Variants in MCTP1 observed in about 807,000 individuals in gnomAD.
The protein encoded by MCTP1 is multiple C2 and transmembrane domain-containing protein 1.
A neutral mutation model predicts 120.6 loss-of-function variants in MCTP1; 69 were observed. The ratio of observed to expected loss-of-function variants is 0.57; its 90% confidence interval spans 0.47 to 0.70. MCTP1 has a LOEUF of 0.70. Among genes scored for constraint, MCTP1 ranks in the 30% least tolerant of loss-of-function variants. The probability of loss-of-function intolerance (pLI) is 0.00; values close to 1 mark genes in which losing one functional copy is unlikely to be tolerated. For synonymous variants in MCTP1, 529 were observed against 493.1 expected (o/e 1.07, Z -0.96); for missense variants, 1,203 against 1,248.8 (o/e 0.96, Z 0.55).
At chr5:95,221,285 T>A (rs1753664592) in intron 1 of MCTP1, among the ~76,000 whole-genome samples, 1 of 152,246 alleles carries the variant, frequency 6.6e-6, no homozygotes, top group Non-Finnish European at 1.5e-5. Context: ...GTCTGTAACT[T>A]CGAAAGAACA....
intron 2 of MCTP1, among the ~76,000 whole-genome samples, chr5:94,959,866 TG>T (rs1170715709): frequency 6.6e-6 from 1 of 152,240 alleles, no homozygotes; most frequent in Non-Finnish European, 1.5e-5. Context: ...ATAGATTCAA[TG>T]CTATTCCCAC....
chr5:95,131,904 T>C (rs1759075209), intron 1 of MCTP1, among the ~76,000 whole-genome samples: 1 of 152,220 alleles, frequency 6.6e-6, no homozygotes, highest in African/African-American at 2.4e-5. Context: ...ATTGTCACCT[T>C]GGGGACTCTA....
At chr5:94,796,190 C>G (rs1313122178) in intron 18 of MCTP1, among the ~76,000 whole-genome samples, 12 of 152,184 alleles carry the variant, frequency 7.9e-5, no homozygotes. Flanking sequence ...CTTTGCTATA[C>G]AGACCTGAAG....
chr5:95,197,031 T>C (rs926830717), intron 1 of MCTP1, among the ~76,000 whole-genome samples: 21 of 152,202 alleles, frequency 1.4e-4, no homozygotes, highest in African/African-American at 4.1e-4. Context: ...CTTTTGTTTT[T>C]AGTACTCTAG....
chr5:94,812,626 T>C (rs1783674015), intron 17 of MCTP1, among the ~76,000 whole-genome samples: 1 of 151,900 alleles, frequency 6.6e-6, no homozygotes, highest in Non-Finnish European at 1.5e-5. Flanking sequence ...ATACAGAAAA[T>C]TCAGGTGAAC....
At chr5:94,932,121 C>A (rs539758286) in intron 5 of MCTP1, 130 bp from the exon 6 acceptor site, 6 of 502,860 alleles carry the variant, frequency 1.2e-5, no homozygotes, top group South Asian at 5.1e-5. Context: ...TTATACAACA[C>A]AAAACTTGTT....
chr5:95,219,022 A>G (rs1753356163), intron 1 of MCTP1, among the ~76,000 whole-genome samples: 1 of 152,158 alleles, frequency 6.6e-6, no homozygotes, highest in African/African-American at 2.4e-5. Context: ...CATCCTATTC[A>G]TTTTTATAGT....
intron 9 of MCTP1, among the ~76,000 whole-genome samples, chr5:94,910,177 T>TAC: frequency 6.6e-6 from 1 of 150,726 alleles, no homozygotes; most frequent in South Asian, 2.1e-4. Context: ...TGTATACATA[T>TAC]ATGTATGTGT....
chr5:95,199,078 A>C (rs770484235), intron 1 of MCTP1, among the ~76,000 whole-genome samples: 1 of 152,368 alleles, frequency 6.6e-6, no homozygotes, highest in Middle Eastern at 3.4e-3. Context: ...ATACATAATT[A>C]ACATAATGTG....
At chr5:94,713,723 G>T (rs1757960534) in intron 20 of MCTP1, among the ~76,000 whole-genome samples, 1 of 152,106 alleles carries the variant, frequency 6.6e-6, no homozygotes. Flanking sequence ...GTGAGATGGG[G>T]GCTGTTCTGT....
At chr5:95,095,005 G>GTTTTTTTTTTTTT (rs1562138448) in intron 1 of MCTP1, among the ~76,000 whole-genome samples, 2 of 79,538 alleles carry the variant, frequency 2.5e-5, no homozygotes, top group African/African-American at 1.0e-4. Flanking sequence ...TGTTATGTTA[G>GTTTTTTTTTTTTT]ATTTTTTTTT....
chr5:95,092,325 C>T (rs529911538), intron 1 of MCTP1, among the ~76,000 whole-genome samples: 1 of 152,316 alleles, frequency 6.6e-6, no homozygotes, highest in South Asian at 2.1e-4. Context: ...TTCTCAGCCT[C>T]TCTAAACAGC....
At chr5:94,761,522 C>T (rs537334282) in intron 19 of MCTP1, among the ~76,000 whole-genome samples, 1 of 152,258 alleles carries the variant, frequency 6.6e-6, no homozygotes, top group Non-Finnish European at 1.5e-5. Context: ...TATGAAGGCA[C>T]CTTGTTTGTA....
intron 19 of MCTP1, among the ~76,000 whole-genome samples, chr5:94,737,931 G>C (rs1451762009): frequency 6.6e-6 from 1 of 152,096 alleles, no homozygotes; most frequent in Admixed American, 6.6e-5. Flanking sequence ...CACCTGCCTC[G>C]GCCTCCCAGA....
At chr5:95,151,093 T>C (rs922026457) in intron 1 of MCTP1, among the ~76,000 whole-genome samples, 11 of 148,698 alleles carry the variant, frequency 7.4e-5, no homozygotes, top group Non-Finnish European at 1.5e-4. Context: ...GCCTCCCAAG[T>C]AGCTGGGACT....
Position 94,724,323 on chromosome 5 carries a change from A to G in MCTP1, c.2611-9437T>C, listed in dbSNP as rs572669255. The stretch of plus-strand genomic sequence containing the variant: ...TGCAGTGGCTCCATCACAGCTCATT[A>G]CAGCTTCAACCTCCTAGGCTCAAGC... On this transcript the variant is annotated intron_variant, in intron 19 of 22. Coordinates refer to ENST00000515393, the MANE Select transcript of MCTP1 (RefSeq NM_024717.7). Among the ~76,000 whole-genome samples the G allele has an allele frequency of 2.0e-5, 3 of 151,820 alleles. No homozygotes were observed. In the South Asian group the frequency reaches 6.3e-4, roughly 32 times the overall value.
At chr5:95,163,726 T>G (rs1275617783) in intron 1 of MCTP1, among the ~76,000 whole-genome samples, 1 of 152,180 alleles carries the variant, frequency 6.6e-6, no homozygotes, top group African/African-American at 2.4e-5. Context: ...GAAAGAGAAG[T>G]TAGTATCTCA....
intron 1 of MCTP1, among the ~76,000 whole-genome samples, chr5:95,131,065 T>A (rs1336195690): frequency 6.6e-6 from 1 of 152,234 alleles, no homozygotes; most frequent in Non-Finnish European, 1.5e-5. Flanking sequence ...TTCTGAGAAC[T>A]GCTAGTGGCC....
At chr5:94,941,676 CTAATGGTA>C (rs1367572651) in intron 4 of MCTP1, among the ~76,000 whole-genome samples, 1 of 151,970 alleles carries the variant, frequency 6.6e-6, no homozygotes, top group African/African-American at 2.4e-5. Context: ...ATGATCTTTT[CTAATGGTA>C]TTTTTTTATT....
Sources: allele counts gnomAD v4.1 joint callset (sites outside exome capture counted in the v4.1 genomes callset), GRCh38; gene constraint gnomAD v4.1.1; transcripts MANE v1.5; gene names NCBI Gene and HGNC (gene_info 2026-07-23, HGNC 2026-07-21).